ANKS1B: variants seen among roughly 807,000 people sequenced by gnomAD.
ANKS1B encodes ankyrin repeat and sterile alpha motif domain containing 1B, also known as ankyrin repeat and sterile alpha motif domain-containing protein 1B.
In ANKS1B, 36 loss-of-function variants were observed where a neutral mutation model predicts 148.3. The ratio of observed to expected loss-of-function variants is 0.24; its 90% CI spans 0.19 to 0.32. The LOEUF (loss-of-function observed/expected upper bound fraction) is 0.32. Ranked by LOEUF, ANKS1B falls within the 10% of genes least tolerant of loss-of-function variation. The probability of loss-of-function intolerance (pLI) is 1.00; values close to 1 mark genes in which losing one functional copy is unlikely to be tolerated. For synonymous variants in ANKS1B, 542 were observed against 560.8 expected (o/e 0.97, Z 0.47); for missense variants, 1,157 against 1,542.6 (o/e 0.75, Z 4.19).
chr12:99,648,308 T>C lies in ANKS1B; in HGVS notation c.1272+6759A>G, dbSNP rs2098392020. 6.2e-7 allele frequency: 1 copy of C among 1,613,980 alleles called. No homozygotes were observed. The highest frequency in any genetic ancestry group is 8.5e-7 in the Non-Finnish European group (1 of 1,180,012). ...TATACTATATTCAGGTATGCACCCA[T>C]GTTTGAGAGCGACTTTATCCAGATC... On this transcript the variant is annotated intron_variant, in intron 9 of 26. Transcript: ENST00000683438.
chr12:99,022,084 G>A (rs1463495918), intron 17 of ANKS1B, among the ~76,000 whole-genome samples: 1 of 152,146 alleles, frequency 6.6e-6, no homozygotes, highest in South Asian at 2.1e-4. Flanking sequence ...TGGGAGAGAC[G>A]GAGATGCTTA....
In ANKS1B at chr12:99,215,837, A is replaced by G. The variant is rs150573790; in HGVS notation, c.2419+28505T>C. Among the ~76,000 whole-genome samples the G allele has an allele frequency of 7.5e-4, 114 of 152,300 alleles. 1 individual carries two copies. Among genetic ancestry groups the G allele is most frequent in the Middle Eastern group, 3.4e-3 (1 of 294 alleles). On this transcript the variant is annotated intron_variant, in intron 14 of 26. Coordinates refer to ENST00000683438, the MANE Select transcript of ANKS1B (RefSeq NM_001352186.2). Reference sequence around the variant, plus strand: ...TCTCAGATGAGACTTTGGACTGTGGACTTTTGAGTTAATGCTAAAATGAGT... The same window carrying G: ...TCTCAGATGAGACTTTGGACTGTGGGCTTTTGAGTTAATGCTAAAATGAGT...
chr12:99,780,222 A>G (rs765225055), intron 5 of ANKS1B, among the ~76,000 whole-genome samples: 2 of 152,188 alleles, frequency 1.3e-5, no homozygotes, highest in East Asian at 1.9e-4. Flanking sequence ...TTGATCATCA[A>G]TTAACTCTTA....
chr12:98,848,318 T>C (rs547866329), intron 17 of ANKS1B, among the ~76,000 whole-genome samples: 13 of 152,340 alleles, frequency 8.5e-5, no homozygotes, highest in Admixed American at 3.3e-4. Context: ...AATAAAAAAA[T>C]TGGTAATTTA....
intron 8 of ANKS1B, among the ~76,000 whole-genome samples, chr12:99,660,600 T>C (rs1400404025): frequency 2.6e-5 from 4 of 152,060 alleles, no homozygotes; most frequent in African/African-American, 7.2e-5. Flanking sequence ...TGACTTCAGG[T>C]GATCCACCTG....
In ANKS1B at chr12:99,029,056, A is replaced by G. The variant is rs555501005; in HGVS notation, c.2778+24101T>C. On this transcript the variant is annotated intron_variant, in intron 17 of 26. Coordinates refer to ENST00000683438, the MANE Select transcript of ANKS1B (RefSeq NM_001352186.2). ...AGAAACCAGAGAAAAATCTAAACTG[A>G]GAGCTGTAGTTACTATCTGTGCTAA... Among the ~76,000 whole-genome samples, 3 of 152,366 alleles carry G rather than the reference A, an allele frequency of 2.0e-5. No homozygotes were observed. In the East Asian group the frequency reaches 5.8e-4, roughly 29 times the overall value.
intron 12 of ANKS1B, among the ~76,000 whole-genome samples, chr12:99,318,966 T>C (rs537901264): frequency 2.6e-5 from 4 of 152,334 alleles, no homozygotes; most frequent in African/African-American, 9.6e-5. Context: ...TCAGTTTCCA[T>C]GTAGTTGAGC....
intron 8 of ANKS1B, among the ~76,000 whole-genome samples, chr12:99,695,443 G>A (rs2053741641): frequency 6.6e-6 from 1 of 152,168 alleles, no homozygotes; most frequent in African/African-American, 2.4e-5. Context: ...AATGTGCACT[G>A]CAAAAACATG....
chr12:99,860,097 C>T lies in ANKS1B; in HGVS notation c.135-34708G>A, dbSNP rs970153489. Among the ~76,000 whole-genome samples the T allele has an allele frequency of 9.9e-5, 15 of 152,100 alleles. 1 individual carries two copies. Among genetic ancestry groups the T allele is most frequent in the African/African-American group, 3.6e-4 (15 of 41,394 alleles). ...AAAGTTGACTAAGAGAACTTCCCTG[C>T]CTCTTTGAAGTTTAGGAGAGAGATG... On this transcript the variant is annotated intron_variant, in intron 1 of 26. Transcript: ENST00000683438.
At chr12:99,406,282 G>A (rs1254170477) in intron 11 of ANKS1B, among the ~76,000 whole-genome samples, 1 of 145,298 alleles carries the variant, frequency 6.9e-6, no homozygotes, top group Non-Finnish European at 1.5e-5. Context: ...CACGAAACAA[G>A]TCTTAAAAAA....
chr12:99,065,085 T>C (rs773217793), intron 16 of ANKS1B, among the ~76,000 whole-genome samples: 1 of 152,190 alleles, frequency 6.6e-6, no homozygotes, highest in Non-Finnish European at 1.5e-5. Flanking sequence ...AGCATTCACA[T>C]TTCCAAGCTC....
At chr12:99,321,926 A>C (rs2085351289) in intron 12 of ANKS1B, among the ~76,000 whole-genome samples, 1 of 152,226 alleles carries the variant, frequency 6.6e-6, no homozygotes, top group Non-Finnish European at 1.5e-5. Flanking sequence ...AAATGAGTTC[A>C]ACCATTGTGG....
intron 18 of ANKS1B, chr12:98,831,607 A>T (rs1024953627): frequency 6.4e-6 from 1 of 156,750 alleles, no homozygotes; most frequent in African/African-American, 2.4e-5. Flanking sequence ...ATCTAGAAAA[A>T]CAAATCTTGT....
intron 11 of ANKS1B, among the ~76,000 whole-genome samples, chr12:99,412,121 A>G (rs936088679): frequency 1.3e-5 from 2 of 151,870 alleles, no homozygotes; most frequent in Non-Finnish European, 2.9e-5. Flanking sequence ...TATTAACTTT[A>G]TAAGTTCAAT....
At chr12:99,657,368 A>G (rs1367859395) in intron 8 of ANKS1B, among the ~76,000 whole-genome samples, 1 of 152,158 alleles carries the variant, frequency 6.6e-6, no homozygotes, top group East Asian at 1.9e-4. Context: ...AAGACAATAT[A>G]CTGAAAAACC....
chr12:99,154,077 A>G (rs2075625318), intron 15 of ANKS1B, among the ~76,000 whole-genome samples: 1 of 152,174 alleles, frequency 6.6e-6, no homozygotes, highest in Non-Finnish European at 1.5e-5. Context: ...CATATAACAC[A>G]TATGTATATG....
intron 14 of ANKS1B, among the ~76,000 whole-genome samples, chr12:99,243,844 G>A (rs2089803144): frequency 6.6e-6 from 1 of 152,076 alleles, no homozygotes; most frequent in Non-Finnish European, 1.5e-5. Flanking sequence ...ACAGGGTGGG[G>A]AACATCACAT....
At chr12:99,155,553 TAAAG>T (rs1938107046) in intron 14 of ANKS1B, among the ~76,000 whole-genome samples, 5 of 152,070 alleles carry the variant, frequency 3.3e-5, no homozygotes, top group Admixed American at 2.6e-4. Flanking sequence ...TTTTTTTTAA[TAAAG>T]AAGATGAGCC....
intron 12 of ANKS1B, among the ~76,000 whole-genome samples, chr12:99,329,597 G>T (rs1453337526): frequency 6.6e-6 from 1 of 151,526 alleles, no homozygotes. Context: ...CCACATTCTG[G>T]TCAACAAATG....
Sources: gnomAD v4.1 joint callset for allele counts (sites outside exome capture counted in the v4.1 genomes callset) on GRCh38, gnomAD v4.1.1 for gene constraint, MANE v1.5 for transcripts, NCBI Gene and HGNC (gene_info 2026-07-23, HGNC 2026-07-21) for gene names.